The following ROBO2 variants were observed in gnomAD, a reference collection of about 807,000 sequenced individuals.
ROBO2 encodes the protein roundabout guidance receptor 2, also known as roundabout homolog 2.
In ROBO2, 53 loss-of-function variants were observed where a neutral mutation model predicts 160.8. That is an observed-to-expected ratio of 0.33 (90% CI 0.26 to 0.41). The LOEUF (loss-of-function observed/expected upper bound fraction) is 0.41. ROBO2 is among the 10% of genes least tolerant of loss of function. The pLI, the probability that ROBO2 is intolerant of heterozygous loss-of-function variation, is 1.00. For synonymous variants in ROBO2, 664 were observed against 611.7 expected (o/e 1.09, Z -1.26); for missense variants, 1,577 against 1,722.4 (o/e 0.92, Z 1.49).
chr3:76,425,088 C>T (rs576722612), intron 2 of ROBO2, among the ~76,000 whole-genome samples: 1 of 152,244 alleles, frequency 6.6e-6, no homozygotes, highest in African/African-American at 2.4e-5. Flanking sequence ...TCTGACACTC[C>T]ATAACCCAGC....
rs148899699 is a variant in ROBO2 at position 76,134,268 on chromosome 3, C to CTT, written c.109+196674_109+196675dup. ...TATTTCAAATTCCCAAGTGAAGATA[C>CTT]TTTTTTTTTCTCTCTCTCTCTCTGA... On this transcript the variant is annotated intron_variant, in intron 2 of 26. Coordinates refer to the ROBO2 transcript ENST00000487694. 5.3e-5 allele frequency among the ~76,000 whole-genome samples: 8 copies of CTT among 151,284 alleles called. No individual in the cohort carries two copies. In the East Asian group the frequency reaches 9.9e-4, roughly 19 times the overall value.
chr3:76,051,856 G>A (rs2324467), intron 2 of ROBO2, among the ~76,000 whole-genome samples: 3,120 of 151,984 alleles, frequency 0.021, 43 homozygotes, highest in East Asian at 0.081. Flanking sequence ...TATAAATTTA[G>A]TTGATAAAGC....
chr3:76,695,986 C>T lies in ROBO2; in HGVS notation c.110-402028C>T, dbSNP rs911566160. The stretch of plus-strand genomic sequence containing the variant: ...TTCCCACTGCTTGGATGGTCCACAG[C>T]CCAGTTTGGGAACTATAGTTACATA... On this transcript the variant is annotated intron_variant, in intron 2 of 26. Coordinates refer to the ROBO2 transcript ENST00000487694. Among the ~76,000 whole-genome samples, 3 of 152,284 alleles carry T rather than the reference C, an allele frequency of 2.0e-5. No homozygotes were observed. In the East Asian group the frequency reaches 5.8e-4, roughly 29 times the overall value.
At chr3:76,630,367 A>G (rs2089956685) in intron 2 of ROBO2, among the ~76,000 whole-genome samples, 1 of 152,138 alleles carries the variant, frequency 6.6e-6, no homozygotes, top group South Asian at 2.1e-4. Flanking sequence ...GAACTGGAAT[A>G]AGCAAGTAAA....
chr3:77,171,107 G>C (rs976931696), intron 2 of ROBO2, among the ~76,000 whole-genome samples: 2 of 152,130 alleles, frequency 1.3e-5, no homozygotes, highest in African/African-American at 4.8e-5. Context: ...GGGATGATTG[G>C]TGGGATGTCA....
exon 1 of ROBO2, chr3:77,040,118 C>T (rs1165485432): frequency 3.1e-6 from 3 of 982,804 alleles, no homozygotes; most frequent in East Asian, 1.2e-4. Context: ...TCGGATTCTC[C>T]ACCCGAATCG....
intron 2 of ROBO2, among the ~76,000 whole-genome samples, chr3:76,065,954 C>T (rs2068240405): frequency 6.6e-6 from 1 of 151,362 alleles, no homozygotes; most frequent in African/African-American, 2.4e-5. Context: ...CTGCTCACAA[C>T]AGCTGCTCTT....
intron 2 of ROBO2, among the ~76,000 whole-genome samples, chr3:77,006,545 CAG>C (rs1559834317): frequency 1.3e-5 from 2 of 151,862 alleles, no homozygotes; most frequent in South Asian, 4.1e-4. Flanking sequence ...AAAAAAGAAA[CAG>C]AGAGTTAGAT....
chr3:77,080,295 G>A (rs571972298), intron 1 of ROBO2, among the ~76,000 whole-genome samples: 2 of 152,278 alleles, frequency 1.3e-5, no homozygotes, highest in African/African-American at 4.8e-5. Flanking sequence ...AATCGCAGAG[G>A]CATCTGCTTG....
intron 2 of ROBO2, among the ~76,000 whole-genome samples, chr3:77,239,688 C>A (rs2088674059): frequency 6.6e-6 from 1 of 152,152 alleles, no homozygotes; most frequent in Non-Finnish European, 1.5e-5. Flanking sequence ...TATTTACAAT[C>A]CTCTAGCTAG....
At chr3:76,420,901 C>T (rs912174230) in intron 2 of ROBO2, among the ~76,000 whole-genome samples, 12 of 152,182 alleles carry the variant, frequency 7.9e-5, no homozygotes, top group African/African-American at 2.7e-4. Context: ...TATATAAAAG[C>T]TGTCACTGAT....
chr3:77,191,283 T>G (rs2081823340), intron 2 of ROBO2, among the ~76,000 whole-genome samples: 1 of 152,126 alleles, frequency 6.6e-6, no homozygotes, highest in Non-Finnish European at 1.5e-5. Context: ...GAAAACAGAT[T>G]AATGTGAGCA....
chr3:76,555,358 G>GAGAAGAAGA (rs58339602), intron 2 of ROBO2, among the ~76,000 whole-genome samples: 1,315 of 57,862 alleles, frequency 0.023, 57 homozygotes, highest in African/African-American at 0.045. Flanking sequence ...AGTAGGAAGA[G>GAGAAGAAGA]AGAAGAAGAA....
chr3:76,971,661 A>G (rs2059578885), intron 2 of ROBO2, among the ~76,000 whole-genome samples: 1 of 152,222 alleles, frequency 6.6e-6, no homozygotes, highest in Non-Finnish European at 1.5e-5. Context: ...TTATGGACAC[A>G]TAATAGTTCA....
At chr3:76,516,022 A>ATT (rs1321915028) in intron 2 of ROBO2, among the ~76,000 whole-genome samples, 14 of 152,262 alleles carry the variant, frequency 9.2e-5, no homozygotes, top group Non-Finnish European at 2.1e-4. Flanking sequence ...TCAGAGGCGA[A>ATT]AAGCTAGATT....
At chr3:77,623,709 A>G (rs1268411943) in intron 23 of ROBO2, among the ~76,000 whole-genome samples, 1 of 152,206 alleles carries the variant, frequency 6.6e-6, no homozygotes, top group Non-Finnish European at 1.5e-5. Flanking sequence ...TTATTAGTGC[A>G]CTATTATGTT....
intron 2 of ROBO2, among the ~76,000 whole-genome samples, chr3:76,154,954 C>T (rs1031971322): frequency 8.5e-5 from 13 of 152,060 alleles, no homozygotes; most frequent in South Asian, 6.2e-4. Context: ...TGAAAAGTCA[C>T]ACTTGATTGA....
chr3:77,444,484 C>G (rs2080263258), intron 2 of ROBO2, among the ~76,000 whole-genome samples: 1 of 152,124 alleles, frequency 6.6e-6, no homozygotes, highest in African/African-American at 2.4e-5. Context: ...AATGACATAC[C>G]AGTTTCTGTC....
intron 2 of ROBO2, among the ~76,000 whole-genome samples, chr3:76,393,796 G>A (rs879438132): frequency 7.2e-5 from 11 of 152,170 alleles, no homozygotes; most frequent in Non-Finnish European, 1.3e-4. Context: ...CAGTTCCTCA[G>A]CATGAATCAT....
Sources: allele counts gnomAD v4.1 joint callset (sites outside exome capture counted in the v4.1 genomes callset), GRCh38; gene constraint gnomAD v4.1.1; transcripts MANE v1.5; gene names NCBI Gene and HGNC (gene_info 2026-07-23, HGNC 2026-07-21).